The following OPCML variants were observed in gnomAD, a reference collection of about 807,000 sequenced individuals.
The protein encoded by OPCML is opioid-binding protein/cell adhesion molecule.
A neutral mutation model predicts 37.8 loss-of-function variants in OPCML; 13 were observed. The observed-to-expected ratio is 0.34, with a 90% CI of 0.22 to 0.55. The LOEUF (loss-of-function observed/expected upper bound fraction) is 0.55. Ranked by LOEUF, OPCML falls within the 20% of genes least tolerant of loss-of-function variation. The pLI is 0.91. For synonymous variants in OPCML, 176 were observed against 168.8 expected, an observed-to-expected ratio of 1.04 and a Z score of -0.33; for missense variants, 341 against 435.6, an observed-to-expected ratio of 0.78 and a Z score of 1.93.
intron 1 of OPCML, among the ~76,000 whole-genome samples, chr11:133,367,998 T>C (rs372916493): frequency 6.6e-6 from 1 of 152,220 alleles, no homozygotes; most frequent in East Asian, 1.9e-4. Flanking sequence ...TCCTTGTTTC[T>C]TATCTCCTCC....
At chr11:132,476,386 C>G (rs1245065888) in intron 4 of OPCML, among the ~76,000 whole-genome samples, 2 of 152,062 alleles carry the variant, frequency 1.3e-5, no homozygotes, top group African/African-American at 2.4e-5. Context: ...AAGACACATG[C>G]ACACGTATGT....
At chr11:132,944,857 C>T (rs929048067) in intron 1 of OPCML, among the ~76,000 whole-genome samples, 1 of 152,220 alleles carries the variant, frequency 6.6e-6, no homozygotes, top group African/African-American at 2.4e-5. Flanking sequence ...TGTGCATCTG[C>T]TCTACTGTAT....
Position 132,955,554 on chromosome 11 carries a change from A to T in OPCML, c.62-12544T>A, listed in dbSNP as rs531055279. Among the ~76,000 whole-genome samples, 7 of 152,260 alleles carry T rather than the reference A, an allele frequency of 4.6e-5. No individual in the cohort carries two copies. In the East Asian group the frequency reaches 1.2e-3, roughly 25 times the overall value. ...ATAAAGCAATATATAGAGAAGAAAG[A>T]TTACTCCTAGTCATTTCTAGAAGTG... is the stretch of plus-strand genomic sequence containing the variant. On this transcript the variant is annotated intron_variant, in intron 1 of 7. Coordinates refer to ENST00000524381, the MANE Select transcript of OPCML (RefSeq NM_001012393.5).
intron 1 of OPCML, among the ~76,000 whole-genome samples, chr11:133,184,561 C>T (rs1413300536): frequency 6.6e-6 from 1 of 152,104 alleles, no homozygotes; most frequent in African/African-American, 2.4e-5. Flanking sequence ...TAGAAGTGTG[C>T]TCCGCTGGCC....
At chr11:133,070,581 G>A (rs1948514869) in intron 1 of OPCML, among the ~76,000 whole-genome samples, 1 of 152,220 alleles carries the variant, frequency 6.6e-6, no homozygotes, top group Non-Finnish European at 1.5e-5. Context: ...ATGAAGAGAG[G>A]TAACGCAACG....
intron 1 of OPCML, among the ~76,000 whole-genome samples, chr11:133,030,491 A>C (rs2136922412): frequency 6.6e-6 from 1 of 152,296 alleles, no homozygotes; most frequent in Admixed American, 6.5e-5. Context: ...ATCTGTACAT[A>C]AGGACAGAAC....
At chr11:133,093,234 T>C (rs1948941303) in intron 1 of OPCML, among the ~76,000 whole-genome samples, 2 of 148,692 alleles carry the variant, frequency 1.3e-5, no homozygotes, top group Non-Finnish European at 3.0e-5. Flanking sequence ...CCCCCAACCT[T>C]TCCCCTGCGT....
chr11:133,485,120 A>G (rs1001441902), intron 1 of OPCML, among the ~76,000 whole-genome samples: 1 of 152,168 alleles, frequency 6.6e-6, no homozygotes, highest in Non-Finnish European at 1.5e-5. Context: ...TCGAAAAACA[A>G]CATAGTTATC....
intron 1 of OPCML, among the ~76,000 whole-genome samples, chr11:132,949,090 A>G (rs1380013439): frequency 6.6e-6 from 1 of 152,194 alleles, no homozygotes; most frequent in South Asian, 2.1e-4. Flanking sequence ...AAAGAACCCT[A>G]GGGATTTCCA....
intron 2 of OPCML, among the ~76,000 whole-genome samples, chr11:132,743,687 T>G (rs1945512155): frequency 6.6e-6 from 1 of 152,236 alleles, no homozygotes; most frequent in Admixed American, 6.5e-5. Context: ...TAATCAAGCC[T>G]GCTGGTGTCA....
intron 2 of OPCML, among the ~76,000 whole-genome samples, chr11:132,745,563 CAAAAA>C (rs10562857): frequency 9.9e-4 from 102 of 102,970 alleles, no homozygotes; most frequent in Admixed American, 1.9e-3. Context: ...TGCTGTCTTG[CAAAAA>C]AAAAAAAAAA....
chr11:132,653,789 G>T (rs1941556635), intron 3 of OPCML, among the ~76,000 whole-genome samples: 1 of 152,154 alleles, frequency 6.6e-6, no homozygotes, highest in Non-Finnish European at 1.5e-5. Flanking sequence ...TTCTGCTGAT[G>T]GCATCTGGTT....
intron 1 of OPCML, among the ~76,000 whole-genome samples, chr11:133,359,695 T>A (rs1051290758): frequency 6.6e-6 from 1 of 152,240 alleles, no homozygotes; most frequent in Non-Finnish European, 1.5e-5. Context: ...TGGTGTTCTA[T>A]ACATTTGTAT....
At chr11:133,523,715 A>G (rs1948436365) in intron 1 of OPCML, among the ~76,000 whole-genome samples, 1 of 152,180 alleles carries the variant, frequency 6.6e-6, no homozygotes, top group African/African-American at 2.4e-5. Context: ...ATCTTGGCCC[A>G]TGCTTTCTTC....
intron 1 of OPCML, among the ~76,000 whole-genome samples, chr11:133,070,575 A>G (rs1211893363): frequency 6.6e-6 from 1 of 152,228 alleles, no homozygotes; most frequent in African/African-American, 2.4e-5. Context: ...GAGCCTATGA[A>G]GAGAGGTAAC....
At position 132,433,315 on chromosome 11, in the gene OPCML, C is replaced by G. The variant is rs564521422; in HGVS notation, c.916+2771G>C. ...CTTATTGACAATTCACAGTGACACT[C>G]TCATGTCCACAGGTCAGAAAATATC... On this transcript the variant is annotated intron_variant, in intron 7 of 7. Transcript: ENST00000524381. Among the ~76,000 whole-genome samples the G allele has an allele frequency of 5.9e-5, 9 of 152,270 alleles. No homozygotes were observed. In the East Asian group the frequency reaches 1.5e-3, roughly 26 times the overall value.
chr11:133,269,673 A>T (rs546045970), intron 1 of OPCML, among the ~76,000 whole-genome samples: 12 of 152,352 alleles, frequency 7.9e-5, no homozygotes, highest in African/African-American at 2.6e-4. Flanking sequence ...GGCTAGACAA[A>T]GTAGCCATGG....
At chr11:133,197,271 C>T (rs767661822) in intron 1 of OPCML, among the ~76,000 whole-genome samples, 25 of 152,114 alleles carry the variant, frequency 1.6e-4, no homozygotes, top group Non-Finnish European at 2.5e-4. Flanking sequence ...AAAGCCTTGG[C>T]GAGGTGAAAC....
chr11:133,213,282 G>A (rs1237609607), intron 1 of OPCML, among the ~76,000 whole-genome samples: 2 of 144,774 alleles, frequency 1.4e-5, no homozygotes, highest in African/African-American at 2.6e-5. Context: ...TAAAGAAAAC[G>A]TCCTAGAGTC....
Sources: allele counts gnomAD v4.1 joint callset (sites outside exome capture counted in the v4.1 genomes callset), GRCh38; gene constraint gnomAD v4.1.1; transcripts MANE v1.5; gene names NCBI Gene and HGNC (gene_info 2026-07-23, HGNC 2026-07-21).